The following RASSF5 variants were observed in gnomAD, a reference collection of about 807,000 sequenced individuals.
The protein encoded by RASSF5 is Ras association domain family member 5.
RASSF5 carries 25 observed loss-of-function variants against 40.5 expected under a neutral mutation model. The observed-to-expected ratio is 0.62, with a 90% CI of 0.45 to 0.86. The LOEUF is 0.86. RASSF5 is among the 40% of genes least tolerant of loss of function. RASSF5 has a pLI of 0.00. For synonymous variants in RASSF5, 246 were observed against 252.4 expected, an observed-to-expected ratio of 0.97 and a Z score of 0.24; for missense variants, 521 against 572.8, an observed-to-expected ratio of 0.91 and a Z score of 0.92.
At chr1:206,567,732 A>C (rs1226332438) in intron 2 of RASSF5, among the ~76,000 whole-genome samples, 1 of 152,154 alleles carries the variant, frequency 6.6e-6, no homozygotes, top group Non-Finnish European at 1.5e-5. Flanking sequence ...CTGTGTTCAC[A>C]GACAAGGGCA....
chr1:206,559,520 C>G (rs1370546914), intron 2 of RASSF5, among the ~76,000 whole-genome samples: 1 of 152,234 alleles, frequency 6.6e-6, no homozygotes, highest in Non-Finnish European at 1.5e-5. Context: ...GTTCTCCTTC[C>G]TCACCTGCCT....
At chr1:206,557,130 C>G (rs888375697) in intron 2 of RASSF5, 6 of 990,168 alleles carry the variant, frequency 6.1e-6, no homozygotes, top group African/African-American at 3.5e-5. Context: ...ACAGCCGAGC[C>G]GGCTTTGAGG....
Position 206,560,090 on chromosome 1 carries a change from G to A in RASSF5, c.579+21797G>A, listed in dbSNP as rs1277568370. On this transcript the variant is annotated intron_variant, in intron 2 of 5. Coordinates refer to ENST00000579436, the MANE Select transcript of RASSF5 (RefSeq NM_182663.4). The surrounding 1 kb of genome is among the most constrained non-coding windows in gnomAD (Gnocchi z 5.1). ...TTATTCTTACCCAAAGAGAGATCACGCTTGAGCTCCTAAGAGAATTTCTTT... is the reference window on the plus strand; with the variant it reads ...TTATTCTTACCCAAAGAGAGATCACACTTGAGCTCCTAAGAGAATTTCTTT... 1.3e-5 allele frequency among the ~76,000 whole-genome samples: 2 copies of A among 152,164 alleles called. No individual in the cohort carries two copies. The highest frequency in any genetic ancestry group is 4.8e-5 in the African/African-American group (2 of 41,436).
At chr1:206,576,568 G>A (rs1668666454) in intron 2 of RASSF5, among the ~76,000 whole-genome samples, 2 of 152,198 alleles carry the variant, frequency 1.3e-5, no homozygotes, top group Admixed American at 1.3e-4. Context: ...TATGATTCAG[G>A]AGAAAGAGAG....
intron 1 of RASSF5, among the ~76,000 whole-genome samples, chr1:206,508,595 A>G (rs1553394224): frequency 6.6e-6 from 1 of 152,020 alleles, no homozygotes; most frequent in Non-Finnish European, 1.5e-5. Context: ...ACCTTGTTAG[A>G]TTTTGGATAA....
chr1:206,580,485 CGGGAAGGTATAGGG>C (rs1244661410), intron 2 of RASSF5, among the ~76,000 whole-genome samples: 4 of 152,020 alleles, frequency 2.6e-5, no homozygotes, highest in Non-Finnish European at 4.4e-5. Context: ...AAGCTCCCAG[CGGGAAGGTATAGGG>C]GTAGGGCCAG....
chr1:206,587,493 G>C lies in RASSF5; in HGVS notation c.*515G>C, dbSNP rs1553407939. 5.8e-6 allele frequency: 1 copy of C among 171,006 alleles called. No homozygotes were observed. The highest frequency in any genetic ancestry group is 5.9e-5 in the Admixed American group (1 of 16,938). 10.6% of individuals were successfully genotyped at this position (171,006 alleles called of 1,614,324 possible). ...TGCTCATAAAAGGACTGTTCCCGCG[G>C]CCCCAAGGTGCCTGTTGTTCACACT... On this transcript the variant is annotated 3_prime_UTR_variant, in exon 6 of 6. Transcript: ENST00000579436.
At chr1:206,526,036 C>T (rs1553397142) in intron 1 of RASSF5, among the ~76,000 whole-genome samples, 1 of 152,154 alleles carries the variant, frequency 6.6e-6, no homozygotes, top group African/African-American at 2.4e-5. Context: ...TTCCATAAAG[C>T]CCTCCACCCC....
Position 206,513,401 on chromosome 1 carries a change from T to C in RASSF5, c.457+5342T>C. Among the ~76,000 whole-genome samples, 1 of 152,212 alleles carries C rather than the reference T, an allele frequency of 6.6e-6. No homozygotes were observed. The highest frequency in any genetic ancestry group is 1.9e-4 in the East Asian group (1 of 5,200). ...TTGGGTGGGTGAGTATTTGTGGGTG[T>C]GCAAAGCATGCAAGCTCCCCACCCC... On this transcript the variant is annotated intron_variant, in intron 1 of 5. Transcript: ENST00000579436. This position sits in a 1 kb window ranked among gnomAD's most constrained non-coding sequence, Gnocchi z 5.0.
chr1:206,527,390 T>G (rs1667123540), intron 1 of RASSF5, among the ~76,000 whole-genome samples: 1 of 152,060 alleles, frequency 6.6e-6, no homozygotes, highest in African/African-American at 2.4e-5. Context: ...CCTGCTGTCT[T>G]GTGGAGCCTG....
At chr1:206,581,047 C>T (rs1553406202) in intron 2 of RASSF5, 1 of 152,216 alleles carries the variant, frequency 6.6e-6, no homozygotes, top group Non-Finnish European at 1.5e-5. Context: ...ATGGTGGCTA[C>T]ATGGTGAATT....
Position 206,585,170 on chromosome 1 carries a change from T to A in RASSF5, c.989-10T>A, listed in dbSNP as rs1553407338. On this transcript the variant is annotated splice_polypyrimidine_tract_variant and intron_variant, in intron 4 of 5. Coordinates refer to ENST00000579436, the MANE Select transcript of RASSF5 (RefSeq NM_182663.4). ...GGGAAGAGCTCCCAGCACCCTCTCTTGGTTTGCAGTGCTCTTCCAGAAACT... is the reference window on the plus strand; with the variant it reads ...GGGAAGAGCTCCCAGCACCCTCTCTAGGTTTGCAGTGCTCTTCCAGAAACT... The A allele has an allele frequency of 1.2e-6, 2 of 1,604,068 alleles. No homozygotes were observed. Among genetic ancestry groups the A allele is most frequent in the East Asian group, 4.5e-5 (2 of 44,834 alleles).
intron 5 of RASSF5, 123 bp downstream of exon 5, chr1:206,585,418 G>C (rs1669074119): frequency 4.1e-6 from 3 of 736,766 alleles, no homozygotes; most frequent in Middle Eastern, 2.9e-4. Flanking sequence ...GGTGACTGTT[G>C]AGAGAGTGAG....
At chr1:206,520,845 G>A (rs1232699512) in intron 1 of RASSF5, among the ~76,000 whole-genome samples, 1 of 152,208 alleles carries the variant, frequency 6.6e-6, no homozygotes, top group Non-Finnish European at 1.5e-5. Context: ...GGGAGCTGCT[G>A]TTGCTGAGTG....
Position 206,508,051 on chromosome 1 carries a change from G to A in RASSF5, c.449G>A (p.Arg150His), listed in dbSNP as rs782603574. The change falls in exon 1 of 6, where the codon CGC becomes CAC. Residue 150 changes from arginine to histidine, a missense_variant. This residue lies in a region of RASSF5 where 284 missense variants were observed against 360.8 expected (regional missense o/e 0.79). Coordinates refer to ENST00000579436, the MANE Select transcript of RASSF5 (RefSeq NM_182663.4). ...CGAGAGGTGCTGCGGCAGGCGCTGC[G>A]CTGCACTAGTAAGTGTGAAGGCAGG... ...CGREVLRQAL[R>H]CTNCKFTCHP... The A allele has an allele frequency of 4.3e-6, 6 of 1,401,498 alleles. No individual in the cohort carries two copies. The highest frequency in any genetic ancestry group is 3.0e-5 in the African/African-American group (2 of 67,458). The allele number at this position is 1,401,498 out of a possible 1,614,324, so 86.8% of individuals were successfully genotyped here.
chr1:206,586,615 G>A (rs1553407684), intron 5 of RASSF5: 1 of 544,698 alleles, frequency 1.8e-6, no homozygotes, highest in Admixed American at 3.2e-5. Context: ...GCAACTCTTG[G>A]TCATGAGATG....
intron 2 of RASSF5, among the ~76,000 whole-genome samples, chr1:206,553,296 A>T (rs1264689929): frequency 6.6e-6 from 1 of 152,206 alleles, no homozygotes; most frequent in African/African-American, 2.4e-5. Context: ...TTATTCAATA[A>T]TTTTTTGTTG....
chr1:206,520,707 A>G (rs1666883716), intron 1 of RASSF5, among the ~76,000 whole-genome samples: 1 of 152,108 alleles, frequency 6.6e-6, no homozygotes, highest in African/African-American at 2.4e-5. Flanking sequence ...CCTCCTACAG[A>G]TTAACCTCTC....
chr1:206,557,494 G>T, intron 2 of RASSF5: 1 of 1,592,836 alleles, frequency 6.3e-7, no homozygotes. Context: ...GCCCGGGGAG[G>T]GGTGCCCACC....
Sources: allele counts gnomAD v4.1 joint callset (sites outside exome capture counted in the v4.1 genomes callset), GRCh38; gene constraint gnomAD v4.1.1; regional missense constraint gnomAD v4.1.1; non-coding constraint Gnocchi (gnomAD v3.1); transcripts MANE v1.5; gene names NCBI Gene and HGNC (gene_info 2026-07-23, HGNC 2026-07-21).